DMRT1: variants seen among roughly 807,000 people sequenced by gnomAD.
DMRT1 encodes doublesex- and mab-3-related transcription factor 1.
In DMRT1, 7 loss-of-function variants were observed where a neutral mutation model predicts 32.3. The ratio of observed to expected loss-of-function variants is 0.22; its 90% CI spans 0.12 to 0.41. The LOEUF (loss-of-function observed/expected upper bound fraction) is 0.41, where lower values mean the gene tolerates loss of function less well. Among genes scored for constraint, DMRT1 ranks in the 10% least tolerant of loss-of-function variants. DMRT1 has a pLI of 1.00. For missense variants in DMRT1, 625 were observed against 500.5 expected, an observed-to-expected ratio of 1.25 and a Z score of -2.37; for synonymous variants, 278 against 206.1, an observed-to-expected ratio of 1.35 and a Z score of -2.99.
At chr9:924,315 G>A (rs1818453682) in intron 4 of DMRT1, among the ~76,000 whole-genome samples, 2 of 152,116 alleles carry the variant, frequency 1.3e-5, no homozygotes, top group Non-Finnish European at 2.9e-5. Flanking sequence ...CAAGTGATCT[G>A]CCCGCCTTGG....
chr9:916,881 C>T lies in DMRT1; in HGVS notation c.941C>T (p.Pro314Leu). Residue 314 changes from proline (P) to leucine (L), a missense_variant, in exon 4 of 5, where the codon CCC (proline) becomes CTC (leucine). Around this residue, in one of 3 missense-constraint regions of DMRT1, gnomAD observed 416 missense variants for 321.6 expected, o/e 1.29. Transcript: ENST00000382276. The stretch of plus-strand genomic sequence containing the variant: ...CAGTTCTTCACTTTTGAGGATGCTC[C>T]CTCTTACCCGGAAGCCAGGGCGAGC... ...VPQFFTFEDA[P>L]SYPEARASVF... 1.2e-6 allele frequency: 2 copies of T among 1,614,168 alleles called. No homozygotes were observed. Among genetic ancestry groups the T allele is most frequent in the South Asian group, 1.1e-5 (1 of 91,086 alleles).
chr9:870,015 T>C (rs541681300), intron 2 of DMRT1, among the ~76,000 whole-genome samples: 9 of 152,320 alleles, frequency 5.9e-5, no homozygotes, highest in African/African-American at 1.9e-4. Context: ...CCAGTTTGTA[T>C]TGAACGAATA....
chr9:950,299 G>T (rs763894673), intron 4 of DMRT1, among the ~76,000 whole-genome samples: 5 of 152,216 alleles, frequency 3.3e-5, no homozygotes, highest in Non-Finnish European at 5.9e-5. Context: ...TGGATGTGAA[G>T]AAGAGGAAAG....
At chr9:953,217 G>C (rs1819485850) in intron 4 of DMRT1, among the ~76,000 whole-genome samples, 1 of 151,996 alleles carries the variant, frequency 6.6e-6, no homozygotes, top group Non-Finnish European at 1.5e-5. Context: ...AAACGTATCT[G>C]ACGGCCACCC....
intron 4 of DMRT1, among the ~76,000 whole-genome samples, chr9:920,541 G>A (rs762422850): frequency 2.0e-5 from 3 of 152,194 alleles, no homozygotes; most frequent in Non-Finnish European, 4.4e-5. Context: ...GCCTGCCTGC[G>A]TATTCAGGAG....
In DMRT1 at chr9:906,051, A is replaced by T. The variant is rs901995267; in HGVS notation, c.823-10712A>T. Among the ~76,000 whole-genome samples the T allele has an allele frequency of 5.2e-4, 39 of 75,614 alleles. No homozygotes were observed. The East Asian group carries it at 0.021, about 40-fold the overall frequency. 49.6% of individuals were successfully genotyped at this position (75,614 alleles called of 152,430 possible). On this transcript the variant is annotated intron_variant, in intron 3 of 4. Coordinates refer to ENST00000382276, the MANE Select transcript of DMRT1 (RefSeq NM_021951.3). ...CACACCCACACACACACACACACAC[A>T]CTCACACACTCTTCCAAATCCATGT...
intron 4 of DMRT1, among the ~76,000 whole-genome samples, chr9:948,365 T>C (rs941206774): frequency 6.6e-6 from 1 of 152,154 alleles, no homozygotes; most frequent in Non-Finnish European, 1.5e-5. Context: ...TCCTCTCCTC[T>C]CCACAGGGAC....
chr9:875,412 C>G (rs1195840782), intron 2 of DMRT1, among the ~76,000 whole-genome samples: 1 of 152,116 alleles, frequency 6.6e-6, no homozygotes, highest in Admixed American at 6.5e-5. Context: ...CGGACCCTCC[C>G]CACAGAGATT....
At chr9:916,595 C>T (rs1172892518) in intron 3 of DMRT1, among the ~76,000 whole-genome samples, 168 bp from the exon 4 acceptor site, 1 of 152,188 alleles carries the variant, frequency 6.6e-6, no homozygotes, top group East Asian at 1.9e-4. Flanking sequence ...TGGTCTTGAA[C>T]TCCTGGGCTC....
At chr9:898,838 C>G (rs1379738163) in intron 3 of DMRT1, among the ~76,000 whole-genome samples, 2 of 152,116 alleles carry the variant, frequency 1.3e-5, no homozygotes, top group Non-Finnish European at 2.9e-5. Flanking sequence ...CTCTCTTTTT[C>G]TTTTTAGATT....
At chr9:958,957 C>T (rs919870678) in intron 4 of DMRT1, among the ~76,000 whole-genome samples, 3 of 152,218 alleles carry the variant, frequency 2.0e-5, no homozygotes, top group African/African-American at 7.2e-5. Flanking sequence ...GGATTTCCAT[C>T]ACACCTTACC....
At chr9:890,167 C>T (rs975764577) in intron 2 of DMRT1, among the ~76,000 whole-genome samples, 6 of 148,046 alleles carry the variant, frequency 4.1e-5, no homozygotes, top group Non-Finnish European at 8.9e-5. Flanking sequence ...TGGCTCAGGC[C>T]GACTGAGCTG....
intron 2 of DMRT1, among the ~76,000 whole-genome samples, chr9:883,625 T>C (rs1430828218): frequency 1.5e-5 from 2 of 135,372 alleles, no homozygotes; most frequent in Non-Finnish European, 3.1e-5. Flanking sequence ...ACCCTGTCTC[T>C]ACAAAAAAAA....
chr9:870,709 C>CTCTTTTTTTTTTTTTTT (rs1816206857), intron 2 of DMRT1, among the ~76,000 whole-genome samples: 13 of 69,564 alleles, frequency 1.9e-4, no homozygotes, highest in African/African-American at 8.5e-4. Flanking sequence ...ATTTTCTTGA[C>CTCTTTTTTTTTTTTTTT]TTTTTTTTTT....
At chr9:967,469 C>A (rs1225572982) in intron 4 of DMRT1, among the ~76,000 whole-genome samples, 1 of 152,174 alleles carries the variant, frequency 6.6e-6, no homozygotes, top group African/African-American at 2.4e-5. Flanking sequence ...TCCCTTTCCC[C>A]CGTCTTTGTC....
At chr9:879,275 C>T (rs1192436389) in intron 2 of DMRT1, among the ~76,000 whole-genome samples, 2 of 151,786 alleles carry the variant, frequency 1.3e-5, no homozygotes, top group African/African-American at 4.8e-5. Flanking sequence ...CGATACCATA[C>T]TGGAAACTAA....
At chr9:865,128 A>G (rs1234429321) in intron 2 of DMRT1, among the ~76,000 whole-genome samples, 1 of 152,200 alleles carries the variant, frequency 6.6e-6, no homozygotes. Flanking sequence ...TTATTCCTGC[A>G]TGACGTTTCC....
intron 2 of DMRT1, among the ~76,000 whole-genome samples, chr9:862,316 A>G (rs1815748830): frequency 6.6e-6 from 1 of 152,090 alleles, no homozygotes; most frequent in Non-Finnish European, 1.5e-5. Context: ...CCCCGCCAAC[A>G]CGGCGAAACC....
chr9:927,402 G>T (rs1209584889), intron 4 of DMRT1, among the ~76,000 whole-genome samples: 2 of 152,328 alleles, frequency 1.3e-5, no homozygotes, highest in Non-Finnish European at 2.9e-5. Context: ...AATGTTTACT[G>T]CTTTGAAGCT....
Sources: allele counts gnomAD v4.1 joint callset (sites outside exome capture counted in the v4.1 genomes callset), GRCh38; gene constraint gnomAD v4.1.1; regional missense constraint gnomAD v4.1.1; transcripts MANE v1.5; gene names NCBI Gene and HGNC (gene_info 2026-07-23, HGNC 2026-07-21).